The following TRIM55 variants were observed in gnomAD, a reference collection of about 807,000 sequenced individuals.
TRIM55 encodes tripartite motif containing 55.
A neutral mutation model predicts 60.9 loss-of-function variants in TRIM55; 50 were observed. That is an observed-to-expected ratio of 0.82 (90% CI 0.65 to 1.04). The LOEUF is 1.04. TRIM55 is among the 50% of genes least tolerant of loss of function. TRIM55 has a pLI of 0.00. For synonymous variants in TRIM55, 237 were observed against 238.1 expected, an observed-to-expected ratio of 1.00 and a Z score of 0.04; for missense variants, 681 against 666.9, an observed-to-expected ratio of 1.02 and a Z score of -0.23.
chr8:66,134,894 G>T, intron 2 of TRIM55, 96 bp from the exon 3 acceptor site: 2 of 1,324,172 alleles, frequency 1.5e-6, no homozygotes. Flanking sequence ...ATACAGGGAA[G>T]AGAAGGAATT....
chr8:66,155,598 A>G (rs1810692322), intron 9 of TRIM55: 67 of 1,486,202 alleles, frequency 4.5e-5, no homozygotes, highest in Non-Finnish European at 6.2e-5. Flanking sequence ...AATATCAGTG[A>G]AGCTTTCTTC....
intron 9 of TRIM55, among the ~76,000 whole-genome samples, chr8:66,162,334 T>C (rs1007918166): frequency 4.6e-5 from 7 of 152,146 alleles, no homozygotes; most frequent in Admixed American, 3.9e-4. Flanking sequence ...TTGGCTTATG[T>C]ATATTAAACC....
chr8:66,169,730 G>A (rs1811516434), intron 9 of TRIM55, among the ~76,000 whole-genome samples: 1 of 152,186 alleles, frequency 6.6e-6, no homozygotes, highest in Non-Finnish European at 1.5e-5. Context: ...AGCAAAGGGA[G>A]TGTTGAGCGC....
chr8:66,141,064 A>G (rs1809784131), intron 4 of TRIM55, among the ~76,000 whole-genome samples: 1 of 152,112 alleles, frequency 6.6e-6, no homozygotes, highest in Non-Finnish European at 1.5e-5. Flanking sequence ...TGTCCTAATC[A>G]TGTAATGTCA....
chr8:66,118,037 C>T, the TRIM55 span, among the ~76,000 whole-genome samples: 19 of 150,826 alleles, frequency 1.3e-4, no homozygotes, highest in African/African-American at 3.7e-4. Flanking sequence ...GGTGTGGTGG[C>T]GGGCCCCTGT....
intron 9 of TRIM55, among the ~76,000 whole-genome samples, chr8:66,157,244 G>A (rs570066138): frequency 3.9e-5 from 6 of 152,206 alleles, no homozygotes; most frequent in Non-Finnish European, 5.9e-5. Flanking sequence ...TGGGGAGGGC[G>A]TTGACATCCA....
the TRIM55 span, among the ~76,000 whole-genome samples, chr8:66,116,136 C>T: frequency 5.3e-5 from 8 of 151,344 alleles, no homozygotes; most frequent in African/African-American, 1.7e-4. Context: ...AAGAACAATG[C>T]TAAAAATACA....
At chr8:66,171,122 C>G (rs1421003130) in intron 9 of TRIM55, among the ~76,000 whole-genome samples, 2 of 152,110 alleles carry the variant, frequency 1.3e-5, no homozygotes, top group East Asian at 3.8e-4. Context: ...TTCAGGGGTA[C>G]AGGTTTGTTA....
At chr8:66,114,085 C>CCCCA in the TRIM55 span, among the ~76,000 whole-genome samples, 1 of 127,560 alleles carries the variant, frequency 7.8e-6, no homozygotes, top group Non-Finnish European at 1.7e-5. Context: ...GAGAGACACC[C>CCCCA]CCCCCCCCAT....
upstream of TRIM55, among the ~76,000 whole-genome samples, chr8:66,124,411 G>A (rs1220172945): frequency 6.6e-6 from 1 of 152,172 alleles, no homozygotes; most frequent in Non-Finnish European, 1.5e-5. Flanking sequence ...CTGCACTCCA[G>A]CTCAAGCCAC....
chr8:66,164,002 A>G (rs1280945902), intron 9 of TRIM55, among the ~76,000 whole-genome samples: 1 of 150,334 alleles, frequency 6.7e-6, no homozygotes, highest in Non-Finnish European at 1.5e-5. Context: ...TGATTCCAAG[A>G]TAAGTGTTTT....
At chr8:66,163,627 G>C (rs1811164419) in intron 9 of TRIM55, among the ~76,000 whole-genome samples, 1 of 152,182 alleles carries the variant, frequency 6.6e-6, no homozygotes, top group Non-Finnish European at 1.5e-5. Context: ...TGTGGAGAAA[G>C]ACCAGAATAT....
chr8:66,138,370 A>C (rs542071845), intron 4 of TRIM55, among the ~76,000 whole-genome samples: 1 of 152,278 alleles, frequency 6.6e-6, no homozygotes, highest in African/African-American at 2.4e-5. Flanking sequence ...TTTTTAAAAA[A>C]CTAAGCATTA....
chr8:66,116,184 C>T, the TRIM55 span, among the ~76,000 whole-genome samples: 3 of 151,558 alleles, frequency 2.0e-5, no homozygotes, highest in African/African-American at 4.9e-5. Context: ...GGCCATGTAA[C>T]GAAATATATA....
intron 4 of TRIM55, among the ~76,000 whole-genome samples, chr8:66,138,887 A>G (rs1241360445): frequency 6.6e-6 from 1 of 152,240 alleles, no homozygotes; most frequent in Non-Finnish European, 1.5e-5. Flanking sequence ...TTATTTTATC[A>G]TTAGAAAGGC....
At chr8:66,144,199 G>A (rs1586200265) in intron 4 of TRIM55, among the ~76,000 whole-genome samples, 1 of 152,230 alleles carries the variant, frequency 6.6e-6, no homozygotes, top group South Asian at 2.1e-4. Flanking sequence ...ACAACCAAAT[G>A]ACCATTTGAT....
At chr8:66,166,026 T>G (rs1811311274) in intron 9 of TRIM55, among the ~76,000 whole-genome samples, 1 of 151,734 alleles carries the variant, frequency 6.6e-6, no homozygotes, top group South Asian at 2.1e-4. Flanking sequence ...TCCCCACAGC[T>G]GGGCTGCCAT....
intron 3 of TRIM55, among the ~76,000 whole-genome samples, chr8:66,136,794 G>T (rs1226925514): frequency 6.6e-6 from 1 of 152,048 alleles, no homozygotes; most frequent in Non-Finnish European, 1.5e-5. Context: ...ATTCCATTTG[G>T]GTCCCTGAAG....
In TRIM55 at chr8:66,127,374, C is replaced by T. The variant is rs780788945; in HGVS notation, c.106C>T (p.Pro36Ser). 1 of 1,614,146 alleles carries T rather than the reference C, an allele frequency of 6.2e-7. No individual in the cohort carries two copies. The highest frequency in any genetic ancestry group is 1.1e-5 in the South Asian group (1 of 91,078). ...CPICLEMFTK[P>S]VVILPCQHNL... Reference sequence around the variant, plus strand: ...CATCTGCTTAGAGATGTTCACGAAACCTGTGGTGATTCTCCCTTGTCAGCA... The same window carrying T: ...CATCTGCTTAGAGATGTTCACGAAATCTGTGGTGATTCTCCCTTGTCAGCA... The change falls in exon 1 of 10, where the codon CCT becomes TCT. Residue 36 changes from proline (P) to serine (S), a missense_variant. Coordinates refer to ENST00000315962, the MANE Select transcript of TRIM55 (RefSeq NM_184085.2).
Sources: gnomAD v4.1 joint callset for allele counts (sites outside exome capture counted in the v4.1 genomes callset) on GRCh38, gnomAD v4.1.1 for gene constraint, MANE v1.5 for transcripts, NCBI Gene and HGNC (gene_info 2026-07-23, HGNC 2026-07-21) for gene names.